The following SAE1 variants were observed in gnomAD, a reference collection of about 807,000 sequenced individuals.
SAE1 encodes the protein SUMO1 activating enzyme subunit 1.
A neutral mutation model predicts 40.6 loss-of-function variants in SAE1; 11 were observed. The observed-to-expected ratio is 0.27, with a 90% CI of 0.17 to 0.45. SAE1 has a LOEUF of 0.45. SAE1 is among the 20% of genes least tolerant of loss of function. The pLI is 1.00. For missense variants in SAE1, 373 were observed against 427.3 expected, an observed-to-expected ratio of 0.87 and a Z score of 1.12; for synonymous variants, 155 against 154.3, an observed-to-expected ratio of 1.00 and a Z score of -0.03.
chr19:47,205,826 G>C (rs1195810119), intron 8 of SAE1, among the ~76,000 whole-genome samples: 4 of 152,194 alleles, frequency 2.6e-5, no homozygotes, highest in Non-Finnish European at 5.9e-5. Context: ...TAAGGTGCAG[G>C]AAAGAAGATG....
At position 47,141,030 on chromosome 19, in the gene SAE1, T is replaced by A. The variant is rs1415164689; in HGVS notation, c.99-2464T>A. ...ACATGCCCAGCTAATTTTTTTTTTT[T>A]AAACAGAGTCTCGCTGTGTCACCCA... is the stretch of plus-strand genomic sequence containing the variant. On this transcript the variant is annotated intron_variant, in intron 1 of 8. Transcript: ENST00000270225. Among the ~76,000 whole-genome samples the A allele has an allele frequency of 2.6e-5, 4 of 151,640 alleles. 1 individual carries two copies. Among genetic ancestry groups the A allele is most frequent in the Non-Finnish European group, 5.9e-5 (4 of 67,918 alleles).
At chr19:47,140,442 G>A (rs899618790) in intron 1 of SAE1, among the ~76,000 whole-genome samples, 33 of 151,840 alleles carry the variant, frequency 2.2e-4, no homozygotes, top group African/African-American at 8.0e-4. Flanking sequence ...AGTAGAGATG[G>A]GGTTTCACCA....
chr19:47,138,009 G>T (rs1012651587), intron 1 of SAE1, among the ~76,000 whole-genome samples: 1 of 150,564 alleles, frequency 6.6e-6, no homozygotes, highest in East Asian at 2.0e-4. Context: ...GATTACAGGC[G>T]TGAGCCACTA....
chr19:47,140,770 G>A (rs2058216773), intron 1 of SAE1, among the ~76,000 whole-genome samples: 1 of 152,088 alleles, frequency 6.6e-6, no homozygotes, highest in African/African-American at 2.4e-5. Flanking sequence ...CCTTCAATCT[G>A]GGTTCACAGA....
At chr19:47,170,756 G>A (rs1025039913) in intron 6 of SAE1, among the ~76,000 whole-genome samples, 2 of 152,018 alleles carry the variant, frequency 1.3e-5, no homozygotes, top group African/African-American at 2.4e-5. Flanking sequence ...AAATCCCCGC[G>A]TTGGCCTTCC....
chr19:47,175,397 C>A (rs2058463250), intron 6 of SAE1, among the ~76,000 whole-genome samples: 1 of 152,108 alleles, frequency 6.6e-6, no homozygotes, highest in Non-Finnish European at 1.5e-5. Context: ...AGAATTTAGA[C>A]CATGAGGTTT....
Position 47,209,553 on chromosome 19 carries a change from C to G in SAE1, c.*302C>G. On this transcript the variant is annotated 3_prime_UTR_variant, in exon 9 of 9. Coordinates refer to ENST00000270225, the MANE Select transcript of SAE1 (RefSeq NM_005500.3). The stretch of plus-strand genomic sequence containing the variant: ...AGCACCCCTCTGCCCTTTCTCTGTC[C>G]TTATGCTGTCCCGGCCTCGCCAGCC... The G allele has an allele frequency of 2.1e-6, 1 of 482,928 alleles. No homozygotes were observed. The highest frequency in any genetic ancestry group is 3.7e-6 in the Non-Finnish European group (1 of 272,376). The allele number at this position is 482,928 out of a possible 1,614,324, so 29.9% of individuals were successfully genotyped here. A position where few individuals can be genotyped will look rare whatever the true frequency, so the allele number is the denominator to read the frequency against.
chr19:47,134,292 G>C (rs918482377), intron 1 of SAE1, among the ~76,000 whole-genome samples: 5 of 151,174 alleles, frequency 3.3e-5, no homozygotes, highest in African/African-American at 9.7e-5. Context: ...AGGCAGACAC[G>C]TCAGGAGAAT....
At chr19:47,190,348 T>C (rs1292353247) in intron 6 of SAE1, among the ~76,000 whole-genome samples, 3 of 106,982 alleles carry the variant, frequency 2.8e-5, no homozygotes, top group South Asian at 3.3e-4. Flanking sequence ...CAGTGGTATG[T>C]GTGCGTGTTT....
intron 2 of SAE1, among the ~76,000 whole-genome samples, chr19:47,145,462 G>C (rs2058250304): frequency 6.6e-6 from 1 of 152,146 alleles, no homozygotes; most frequent in African/African-American, 2.4e-5. Flanking sequence ...AATGCTGTTT[G>C]ATTAATATTA....
chr19:47,196,719 C>A (rs996113276), intron 6 of SAE1, among the ~76,000 whole-genome samples: 2 of 151,900 alleles, frequency 1.3e-5, no homozygotes, highest in African/African-American at 2.4e-5. Context: ...GCTTTCTGCC[C>A]CCTTCAAACT....
At chr19:47,204,361 C>G (rs1184283915) in intron 8 of SAE1, among the ~76,000 whole-genome samples, 1 of 151,546 alleles carries the variant, frequency 6.6e-6, no homozygotes, top group Non-Finnish European at 1.5e-5. Flanking sequence ...CCACGCCCAG[C>G]TAATTTTTTT....
chr19:47,197,021 A>G (rs1030229053), intron 6 of SAE1, among the ~76,000 whole-genome samples: 17 of 151,994 alleles, frequency 1.1e-4, no homozygotes, highest in Non-Finnish European at 2.1e-4. Context: ...TCTCTACTAA[A>G]TATACAAAAA....
Position 47,206,680 on chromosome 19 carries a change from G to T in SAE1, c.949-2479G>T, listed in dbSNP as rs75781174. Among the ~76,000 whole-genome samples the T allele has an allele frequency of 3.7e-3, 566 of 152,278 alleles. 6 individuals carry two copies. Among genetic ancestry groups the T allele is most frequent in the African/African-American group, 0.013 (539 of 41,560 alleles). On this transcript the variant is annotated intron_variant, in intron 8 of 8. Transcript: ENST00000270225. ...AAACACATACCATCTCCTGTATCTT[G>T]GGTTTGAGGGTCTAAGAGTTCCACC...
intron 7 of SAE1, among the ~76,000 whole-genome samples, chr19:47,198,468 A>G (rs1266829278): frequency 1.3e-5 from 2 of 151,930 alleles, no homozygotes; most frequent in African/African-American, 2.4e-5. Flanking sequence ...TTCCCTTTCC[A>G]TGTCTTGAGA....
intron 2 of SAE1, among the ~76,000 whole-genome samples, chr19:47,147,177 A>G (rs1203868171): frequency 6.6e-6 from 1 of 150,634 alleles, no homozygotes; most frequent in Non-Finnish European, 1.5e-5. Context: ...ATAGTGATGA[A>G]ATGATAATTG....
At chr19:47,167,804 G>A (rs976730651) in intron 5 of SAE1, among the ~76,000 whole-genome samples, 15 of 152,004 alleles carry the variant, frequency 9.9e-5, no homozygotes, top group Admixed American at 1.3e-4. Context: ...TCTATACCAC[G>A]CCTGGCCTAA....
chr19:47,192,441 G>T (rs1600207239), intron 6 of SAE1, among the ~76,000 whole-genome samples: 1 of 152,010 alleles, frequency 6.6e-6, no homozygotes, highest in East Asian at 1.9e-4. Flanking sequence ...TAGAGATGGG[G>T]TTTTATCATC....
chr19:47,138,811 A>G (rs2058198955), intron 1 of SAE1, among the ~76,000 whole-genome samples: 1 of 152,186 alleles, frequency 6.6e-6, no homozygotes, highest in South Asian at 2.1e-4. Context: ...GTGAGGCCCC[A>G]TTTCAATCAA....
Sources: gnomAD v4.1 joint callset for allele counts (sites outside exome capture counted in the v4.1 genomes callset) on GRCh38, gnomAD v4.1.1 for gene constraint, MANE v1.5 for transcripts, NCBI Gene and HGNC (gene_info 2026-07-23, HGNC 2026-07-21) for gene names.